The following TBL1X variants were observed in gnomAD, a reference collection of about 807,000 sequenced individuals.
TBL1X encodes transducin beta like 1 X-linked.
A neutral mutation model predicts 50.7 loss-of-function variants in TBL1X; 10 were observed. The ratio of observed to expected loss-of-function variants is 0.20; its 90% confidence interval spans 0.12 to 0.33. The LOEUF (loss-of-function observed/expected upper bound fraction) is 0.33. TBL1X is among the 10% of genes least tolerant of loss of function. The pLI, the probability that TBL1X is intolerant of heterozygous loss-of-function variation, is 1.00. For synonymous variants in TBL1X, 190 were observed against 214.7 expected (o/e 0.88, Z 1.01); for missense variants, 340 against 504.4 (o/e 0.67, Z 3.12).
intron 5 of TBL1X, among the ~76,000 whole-genome samples, chrX:9,658,484 G>A (rs141914677): frequency 0.015 from 1,621 of 110,565 alleles, 24 homozygotes; most frequent in African/African-American, 0.048. Context: ...GTGTGCCCCC[G>A]CATATTTCTG....
At chrX:9,483,067 G>T (rs1256318001) in intron 1 of TBL1X, among the ~76,000 whole-genome samples, 1 of 111,224 alleles carries the variant, frequency 9.0e-6, no homozygotes. Flanking sequence ...TTGGCATCTA[G>T]CAGGTAGAGG....
chrX:9,634,842 T>A (rs1012106118), intron 2 of TBL1X, among the ~76,000 whole-genome samples: 3 of 111,550 alleles, frequency 2.7e-5, no homozygotes, highest in African/African-American at 9.8e-5. Context: ...TTCACTTGGT[T>A]CTCATTTTTC....
intron 2 of TBL1X, among the ~76,000 whole-genome samples, chrX:9,550,631 G>GA (rs34537488): frequency 3.6e-5 from 4 of 111,241 alleles, no homozygotes; most frequent in Non-Finnish European, 7.6e-5. Flanking sequence ...TGGAATGTAG[G>GA]AAAAAAAATG....
rs2082599185 is a variant in TBL1X at position 9,609,122 on chromosome X, G to A, written c.-130-31151G>A. ...ACGTTCTTAGAAGAAAAGTCAGTAGGTAAACAGCTATCGTGTAATCTGATG... is the reference window on the plus strand; with the variant it reads ...ACGTTCTTAGAAGAAAAGTCAGTAGATAAACAGCTATCGTGTAATCTGATG... On this transcript the variant is annotated intron_variant, in intron 2 of 17. Coordinates refer to ENST00000645353, the MANE Select transcript of TBL1X (RefSeq NM_005647.4). Among the ~76,000 whole-genome samples, 2 of 111,924 alleles carry A rather than the reference G, an allele frequency of 1.8e-5. 1 individual carries two copies. The highest frequency in any genetic ancestry group is 7.4e-4 in the South Asian group (2 of 2,692).
At chrX:9,583,725 C>T (rs1446609647) in intron 2 of TBL1X, among the ~76,000 whole-genome samples, 1 of 112,014 alleles carries the variant, frequency 8.9e-6, no homozygotes, top group Non-Finnish European at 1.9e-5. Flanking sequence ...ATGAATACAG[C>T]ATTAACACAG....
rs191807376 is a variant in TBL1X at position 9,508,918 on chromosome X, C to G, written c.-131+7069C>G. Among the ~76,000 whole-genome samples the G allele has an allele frequency of 3.7e-3, 410 of 109,438 alleles. 1 individual carries two copies. The highest frequency in any genetic ancestry group is 0.014 in the Middle Eastern group (3 of 214). ...CATAGACACAGAGAGGGGAACAACA[C>G]ACACCAGGGCCTGTTGGGGAGTGGG... On this transcript the variant is annotated intron_variant, in intron 2 of 17. Transcript: ENST00000645353.
At chrX:9,658,874 G>A (rs1369600930) in intron 5 of TBL1X, among the ~76,000 whole-genome samples, 11 of 111,929 alleles carry the variant, frequency 9.8e-5, no homozygotes, top group African/African-American at 6.5e-5. Flanking sequence ...GCACGATCAC[G>A]GCTCACTGCA....
intron 17 of TBL1X, among the ~76,000 whole-genome samples, 195 bp from the exon 18 acceptor site, chrX:9,716,025 C>T (rs2083276186): frequency 8.9e-6 from 1 of 112,212 alleles, no homozygotes. Context: ...CTTCAGTTTG[C>T]TCGGTCCGAT....
At chrX:9,495,242 C>G (rs1487413037) in intron 1 of TBL1X, among the ~76,000 whole-genome samples, 1 of 111,512 alleles carries the variant, frequency 9.0e-6, no homozygotes, top group Non-Finnish European at 1.9e-5. Context: ...CGCAGCTATC[C>G]TACAAGTATG....
intron 2 of TBL1X, among the ~76,000 whole-genome samples, chrX:9,537,631 C>T (rs1195037727): frequency 8.9e-6 from 1 of 112,144 alleles, no homozygotes; most frequent in Non-Finnish European, 1.9e-5. Flanking sequence ...TCATAGCATG[C>T]GTCAGAATTT....
intron 2 of TBL1X, among the ~76,000 whole-genome samples, chrX:9,520,828 A>G (rs2082103255): frequency 9.0e-6 from 1 of 111,404 alleles, no homozygotes; most frequent in African/African-American, 3.3e-5. Flanking sequence ...ATGGTGGCTC[A>G]TGTCTGTAAT....
chrX:9,690,870 A>G (rs1310176285), intron 7 of TBL1X, among the ~76,000 whole-genome samples: 1 of 111,004 alleles, frequency 9.0e-6, no homozygotes, highest in African/African-American at 3.3e-5. Context: ...CTGGGACTAC[A>G]GGTGTGCACC....
rs772432296 is a variant in TBL1X at position 9,633,632 on chromosome X, C to G, written c.-130-6641C>G. 5.4e-5 allele frequency among the ~76,000 whole-genome samples: 6 copies of G among 112,004 alleles called. No homozygotes were observed. In the East Asian group the frequency reaches 1.7e-3, roughly 31 times the overall value. Reference sequence around the variant, plus strand: ...AGTTATTACCATCTTGGCACACTTGCATTCATTTTAGTCAAGTACTGTCAC... The same window carrying G: ...AGTTATTACCATCTTGGCACACTTGGATTCATTTTAGTCAAGTACTGTCAC... On this transcript the variant is annotated intron_variant, in intron 2 of 17. Transcript: ENST00000645353.
rs1569111369 is a variant in TBL1X, at chrX:9,719,287, A to G, written c.*3041A>G. On this transcript the variant is annotated 3_prime_UTR_variant, in exon 18 of 18. Transcript: ENST00000645353. ...ACCCTCTGACCCCTCGCGACACCGT[A>G]GGACTTGACTTTTGTTTAGTCTTTC... 1 of 112,479 alleles carries G rather than the reference A, an allele frequency of 8.9e-6. No individual in the cohort carries two copies. The highest frequency in any genetic ancestry group is 1.9e-5 in the Non-Finnish European group (1 of 53,247). The allele number at this position is 112,479 out of a possible 1,213,427, so 9.3% of individuals were successfully genotyped here. A position where few individuals can be genotyped will look rare whatever the true frequency, so the allele number is the denominator to read the frequency against.
chrX:9,483,367 C>T (rs1200809880), intron 1 of TBL1X, among the ~76,000 whole-genome samples: 1 of 112,149 alleles, frequency 8.9e-6, no homozygotes, highest in Non-Finnish European at 1.9e-5. Context: ...CTTTGGAGCT[C>T]AGTTTAGAAG....
At chrX:9,581,891 C>T (rs2082444578) in intron 2 of TBL1X, among the ~76,000 whole-genome samples, 1 of 111,915 alleles carries the variant, frequency 8.9e-6, no homozygotes, top group Non-Finnish European at 1.9e-5. Context: ...TTTCTTATTT[C>T]GGTTTTCCTT....
At chrX:9,538,066 A>G (rs746017358) in intron 2 of TBL1X, among the ~76,000 whole-genome samples, 2 of 112,399 alleles carry the variant, frequency 1.8e-5, no homozygotes, top group African/African-American at 6.5e-5. Flanking sequence ...ACCAGACTCA[A>G]CTGCACCAAT....
intron 5 of TBL1X, among the ~76,000 whole-genome samples, chrX:9,680,248 C>T (rs758028555): frequency 8.9e-6 from 1 of 112,023 alleles, no homozygotes; most frequent in South Asian, 3.8e-4. Flanking sequence ...ACATTCAGAA[C>T]GTAGCAGGCA....
At chrX:9,519,562 G>A (rs2082097207) in intron 2 of TBL1X, among the ~76,000 whole-genome samples, 1 of 112,292 alleles carries the variant, frequency 8.9e-6, no homozygotes, top group South Asian at 3.7e-4. Context: ...GAAGACTTGG[G>A]CTGTATCCCA....
Sources: allele counts gnomAD v4.1 joint callset (sites outside exome capture counted in the v4.1 genomes callset), GRCh38; gene constraint gnomAD v4.1.1; transcripts MANE v1.5; gene names NCBI Gene and HGNC (gene_info 2026-07-23, HGNC 2026-07-21).